CLSTN2: variants seen among roughly 807,000 people sequenced by gnomAD.
CLSTN2 encodes calsyntenin-2.
CLSTN2 carries 48 observed loss-of-function variants against 101.2 expected under a neutral mutation model. That is an observed-to-expected ratio of 0.47 (90% CI 0.38 to 0.60). The LOEUF is 0.60. Ranked by LOEUF, CLSTN2 falls within the 20% of genes least tolerant of loss-of-function variation. CLSTN2 has a pLI of 0.00. For missense variants in CLSTN2, 1,160 were observed against 1,238.2 expected, an observed-to-expected ratio of 0.94 and a Z score of 0.95; for synonymous variants, 481 against 463.6, an observed-to-expected ratio of 1.04 and a Z score of -0.48.
At chr3:140,097,758 G>T (rs1447797061) in intron 1 of CLSTN2, among the ~76,000 whole-genome samples, 1 of 152,158 alleles carries the variant, frequency 6.6e-6, no homozygotes, top group Non-Finnish European at 1.5e-5. Context: ...TGAATAATTT[G>T]TGTAGTTGTA....
At chr3:140,233,984 G>A (rs973881746) in intron 2 of CLSTN2, among the ~76,000 whole-genome samples, 3 of 152,176 alleles carry the variant, frequency 2.0e-5, no homozygotes, top group South Asian at 2.1e-4. Flanking sequence ...AAGTAGTCAT[G>A]ACAGAAACCA....
At chr3:140,003,345 G>A (rs4683784) in intron 1 of CLSTN2, among the ~76,000 whole-genome samples, 30,907 of 151,868 alleles carry the variant, frequency 0.2, 3,484 homozygotes, top group Admixed American at 0.34. Flanking sequence ...TTTATTTTTC[G>A]TATTGTTCAC....
intron 1 of CLSTN2, among the ~76,000 whole-genome samples, chr3:140,089,207 T>A (rs182061754): frequency 3.2e-4 from 49 of 152,302 alleles, no homozygotes; most frequent in Admixed American, 3.2e-3. Flanking sequence ...TGTTCATATC[T>A]CTTGGGATTC....
chr3:140,040,496 C>G (rs1488970776), intron 1 of CLSTN2, among the ~76,000 whole-genome samples: 1 of 151,784 alleles, frequency 6.6e-6, no homozygotes, highest in Non-Finnish European at 1.5e-5. Flanking sequence ...TCTCATATGC[C>G]CTTTCTTTGC....
intron 1 of CLSTN2, among the ~76,000 whole-genome samples, chr3:140,169,283 C>T (rs1444356724): frequency 6.6e-6 from 1 of 151,784 alleles, no homozygotes; most frequent in Non-Finnish European, 1.5e-5. Context: ...TTGAAATTTC[C>T]AATTGTTGAT....
chr3:140,355,941 T>A (rs2087666315), intron 2 of CLSTN2, among the ~76,000 whole-genome samples: 1 of 152,216 alleles, frequency 6.6e-6, no homozygotes, highest in African/African-American at 2.4e-5. Context: ...AAAAAATGAA[T>A]GAAAAGTTGA....
intron 1 of CLSTN2, among the ~76,000 whole-genome samples, chr3:140,061,186 A>C (rs938004872): frequency 2.0e-5 from 3 of 152,202 alleles, no homozygotes; most frequent in Non-Finnish European, 2.9e-5. Context: ...TTCTGAATCA[A>C]CTTCTATTTT....
intron 1 of CLSTN2, among the ~76,000 whole-genome samples, chr3:140,128,700 A>C (rs1009791042): frequency 6.6e-6 from 1 of 152,104 alleles, no homozygotes; most frequent in Admixed American, 6.5e-5. Flanking sequence ...TAAATACCCC[A>C]ATTCCTCTCT....
chr3:140,129,944 A>T (rs2009498317), intron 1 of CLSTN2, among the ~76,000 whole-genome samples: 1 of 152,204 alleles, frequency 6.6e-6, no homozygotes, highest in Admixed American at 6.5e-5. Flanking sequence ...CATCAAGGGG[A>T]CACAGCGTTG....
rs1985392013 is a variant in CLSTN2, at chr3:140,568,554, T to A, written c.*2301T>A. ...GGACTGATTAGTTTTCACAATCCCATTTAAATAAAAAAAAGATCTTTAGTT... is the reference window on the plus strand; with the variant it reads ...GGACTGATTAGTTTTCACAATCCCAATTAAATAAAAAAAAGATCTTTAGTT... On this transcript the variant is annotated 3_prime_UTR_variant, in exon 17 of 17. Coordinates refer to ENST00000458420, the MANE Select transcript of CLSTN2 (RefSeq NM_022131.3). The A allele has an allele frequency of 1.3e-5, 2 of 151,198 alleles. No homozygotes were observed. The highest frequency in any genetic ancestry group is 1.3e-4 in the Admixed American group (2 of 15,210). 9.4% of individuals were successfully genotyped at this position (151,198 alleles called of 1,614,324 possible).
rs544909736 is a variant in CLSTN2, at chr3:140,052,215, A to G, written c.109+116732A>G. Among the ~76,000 whole-genome samples, 32 of 152,116 alleles carry G rather than the reference A, an allele frequency of 2.1e-4. No homozygotes were observed. In the South Asian group the frequency reaches 3.5e-3, roughly 17 times the overall value. The stretch of plus-strand genomic sequence containing the variant: ...GCTCTGTCGCCCAGGCTGGAGTGTA[A>G]TGGCATGATCTCAGCTCACTGCAAC... On this transcript the variant is annotated intron_variant, in intron 1 of 16. Coordinates refer to ENST00000458420, the MANE Select transcript of CLSTN2 (RefSeq NM_022131.3).
chr3:140,305,476 C>T (rs2087104661), intron 2 of CLSTN2, among the ~76,000 whole-genome samples: 1 of 152,114 alleles, frequency 6.6e-6, no homozygotes, highest in South Asian at 2.1e-4. Flanking sequence ...CTTCTTTTCC[C>T]TTTACATCAC....
intron 1 of CLSTN2, among the ~76,000 whole-genome samples, chr3:140,154,891 G>T (rs189506824): frequency 9.2e-5 from 14 of 152,126 alleles, no homozygotes; most frequent in East Asian, 3.9e-4. Flanking sequence ...TGATCCGCCC[G>T]CCTCAGCCTG....
intron 2 of CLSTN2, among the ~76,000 whole-genome samples, chr3:140,315,227 A>G (rs1015977714): frequency 6.6e-6 from 1 of 152,206 alleles, no homozygotes; most frequent in Non-Finnish European, 1.5e-5. Flanking sequence ...TGACCTAAAT[A>G]AATGAAAATG....
At position 140,310,451 on chromosome 3, in the gene CLSTN2, C is replaced by T. The variant is rs372302235; in HGVS notation, c.233-93178C>T. 2.5e-4 allele frequency among the ~76,000 whole-genome samples: 38 copies of T among 152,268 alleles called. 1 individual carries two copies. Among genetic ancestry groups the T allele is most frequent in the African/African-American group, 8.7e-4 (36 of 41,560 alleles). Reference sequence around the variant, plus strand: ...TGCTCCTTCTTCTGGAAAGGCACCACCCGCTTCTCACAGACAACCCTTCCG... The same window carrying T: ...TGCTCCTTCTTCTGGAAAGGCACCATCCGCTTCTCACAGACAACCCTTCCG... On this transcript the variant is annotated intron_variant, in intron 2 of 16. Transcript: ENST00000458420.
intron 1 of CLSTN2, among the ~76,000 whole-genome samples, chr3:140,175,736 T>C (rs953978787): frequency 3.3e-5 from 5 of 152,216 alleles, no homozygotes; most frequent in African/African-American, 1.2e-4. Flanking sequence ...ATGCTGTCTC[T>C]CACCTTCTGA....
At chr3:139,938,331 A>T (rs374434874) in intron 1 of CLSTN2, among the ~76,000 whole-genome samples, 1 of 152,130 alleles carries the variant, frequency 6.6e-6, no homozygotes, top group East Asian at 1.9e-4. Flanking sequence ...CTTGTGTAAG[A>T]TGTTGTGTCT....
intron 2 of CLSTN2, among the ~76,000 whole-genome samples, chr3:140,289,819 T>C (rs1017094737): frequency 6.6e-6 from 1 of 152,008 alleles, no homozygotes; most frequent in Admixed American, 6.6e-5. Context: ...CTCAGAGATA[T>C]GTTTCCTAAA....
intron 2 of CLSTN2, among the ~76,000 whole-genome samples, chr3:140,222,202 G>A (rs778193453): frequency 3.0e-4 from 46 of 152,122 alleles, no homozygotes; most frequent in Non-Finnish European, 1.3e-4. Flanking sequence ...TATGTTAAAT[G>A]AAACAAGCTA....
Sources: allele counts gnomAD v4.1 joint callset (sites outside exome capture counted in the v4.1 genomes callset), GRCh38; gene constraint gnomAD v4.1.1; transcripts MANE v1.5; gene names NCBI Gene and HGNC (gene_info 2026-07-23, HGNC 2026-07-21).